Variants in MED26 observed in about 807,000 individuals in gnomAD.
MED26 encodes the protein mediator of RNA polymerase II transcription subunit 26.
MED26 carries 7 observed loss-of-function variants against 43.7 expected under a neutral mutation model. The observed-to-expected ratio is 0.16, with a 90% CI of 0.09 to 0.30. The LOEUF (loss-of-function observed/expected upper bound fraction) is 0.30, where lower values mean the gene tolerates loss of function less well. Among genes scored for constraint, MED26 ranks in the 10% least tolerant of loss-of-function variants. The probability of loss-of-function intolerance (pLI) is 1.00; values close to 1 mark genes in which losing one functional copy is unlikely to be tolerated. For missense variants in MED26, 784 were observed against 840.6 expected, an observed-to-expected ratio of 0.93 and a Z score of 0.83; for synonymous variants, 375 against 371.1, an observed-to-expected ratio of 1.01 and a Z score of -0.12.
At chr19:16,608,302 G>A (rs1018358712) in intron 1 of MED26, among the ~76,000 whole-genome samples, 2 of 152,176 alleles carry the variant, frequency 1.3e-5, no homozygotes, top group African/African-American at 2.4e-5. Flanking sequence ...AACAAAGGAG[G>A]AAGTTTTCAG....
chr19:16,598,268 C>T (rs2086131581), intron 1 of MED26, among the ~76,000 whole-genome samples: 1 of 144,860 alleles, frequency 6.9e-6, no homozygotes, highest in Non-Finnish European at 1.5e-5. Flanking sequence ...ATCCGGGAGG[C>T]GCAGGCTGCA....
chr19:16,594,438 G>A (rs1445091504), intron 1 of MED26, among the ~76,000 whole-genome samples: 1 of 152,252 alleles, frequency 6.6e-6, no homozygotes, highest in Admixed American at 6.5e-5. Context: ...AAGTGGGGAA[G>A]GGGCAGCGAA....
At chr19:16,599,755 C>A (rs2086139802) in intron 1 of MED26, among the ~76,000 whole-genome samples, 1 of 152,030 alleles carries the variant, frequency 6.6e-6, no homozygotes, top group African/African-American at 2.4e-5. Flanking sequence ...GGGGCTGGAA[C>A]TGGGGTTCCT....
intron 1 of MED26, among the ~76,000 whole-genome samples, chr19:16,615,366 C>A (rs775850738): frequency 1.8e-4 from 27 of 152,332 alleles, no homozygotes; most frequent in Non-Finnish European, 8.8e-5. Flanking sequence ...TGATTCTTTA[C>A]TGACTCTCTC....
rs141301693 is a variant in MED26 at position 16,601,753 on chromosome 19, T to C, written c.73-23344A>G. ...GGGCTGGGCACACAGCAGCGCAGCA[T>C]GCGCAGAGTGCCAGACAAGGTGGGG... On this transcript the variant is annotated intron_variant, in intron 1 of 2. Coordinates refer to ENST00000263390, the MANE Select transcript of MED26 (RefSeq NM_004831.5). 5.4e-4 allele frequency among the ~76,000 whole-genome samples: 82 copies of C among 152,340 alleles called. 1 individual carries two copies. The highest frequency in any genetic ancestry group is 1.8e-3 in the African/African-American group (76 of 41,578).
intron 1 of MED26, among the ~76,000 whole-genome samples, chr19:16,614,907 G>A (rs1251900983): frequency 3.9e-5 from 6 of 152,192 alleles, no homozygotes; most frequent in Non-Finnish European, 7.3e-5. Flanking sequence ...CACTAAGCCT[G>A]AATTCTTACC....
intron 1 of MED26, among the ~76,000 whole-genome samples, chr19:16,617,428 C>A (rs1464540072): frequency 6.6e-6 from 1 of 152,184 alleles, no homozygotes; most frequent in Non-Finnish European, 1.5e-5. Context: ...CCAAACCAAG[C>A]CAGAGTGTGT....
chr19:16,584,210 G>T (rs1194041371), intron 1 of MED26, among the ~76,000 whole-genome samples: 1 of 149,664 alleles, frequency 6.7e-6, no homozygotes, highest in Non-Finnish European at 1.5e-5. Context: ...CTGAGATCAC[G>T]CCACTGCACT....
At chr19:16,613,065 GTTTACC>G (rs1238819929) in intron 1 of MED26, among the ~76,000 whole-genome samples, 1 of 152,080 alleles carries the variant, frequency 6.6e-6, no homozygotes, top group Non-Finnish European at 1.5e-5. Context: ...TTCAGGCACT[GTTTACC>G]TTTAGTAGGA....
In MED26 at chr19:16,576,060, G is replaced by A. The variant is rs761211335; in HGVS notation, c.1770C>T (p.Arg590=). 1.6e-5 allele frequency: 26 copies of A among 1,613,534 alleles called. No individual in the cohort carries two copies. The highest frequency in any genetic ancestry group is 2.7e-5 in the African/African-American group (2 of 74,912). The stretch of plus-strand genomic sequence containing the variant: ...AGCAGACATAAGGCAGAATGTTCAA[G>A]CGCCCGTCGTCGCCGTGCGGATCGA... ...ISLDPHGDDG[R]LNILPYVCLD is the part of the protein sequence containing the mutation. The change falls in exon 3 of 3, where the codon CGC becomes CGT. Residue 590 remains arginine (R), a synonymous_variant. Transcript: ENST00000263390. The surrounding 1 kb of genome is among the most constrained non-coding windows in gnomAD (Gnocchi z 6.8).
rs1167981630 is a variant in MED26 at position 16,582,041 on chromosome 19, C to T, written c.73-3632G>A. Among the ~76,000 whole-genome samples the T allele has an allele frequency of 3.9e-5, 6 of 152,372 alleles. No homozygotes were observed. The East Asian group carries it at 5.8e-4, about 15-fold the overall frequency. On this transcript the variant is annotated intron_variant, in intron 1 of 2. Transcript: ENST00000263390. ...GGATCCTCCAGAGAGGAGCGCAGCTCGCTGCTTCCTGGATCCCAGCCCGGT... is the reference window on the plus strand; with the variant it reads ...GGATCCTCCAGAGAGGAGCGCAGCTTGCTGCTTCCTGGATCCCAGCCCGGT...
intron 1 of MED26, among the ~76,000 whole-genome samples, chr19:16,614,176 A>C (rs1162330902): frequency 6.6e-6 from 1 of 152,190 alleles, no homozygotes; most frequent in African/African-American, 2.4e-5. Flanking sequence ...AGGTCACCAA[A>C]GTAGAAGCAG....
intron 1 of MED26, 21 bp downstream of exon 1, chr19:16,627,851 G>T: frequency 6.8e-7 from 1 of 1,472,414 alleles, no homozygotes; most frequent in East Asian, 2.9e-5. Context: ...CTCCGTCCCA[G>T]CTCGCGCGGC....
At chr19:16,600,031 CT>C (rs1410296761) in intron 1 of MED26, among the ~76,000 whole-genome samples, 1 of 152,192 alleles carries the variant, frequency 6.6e-6, no homozygotes, top group African/African-American at 2.4e-5. Flanking sequence ...TGAGGACACA[CT>C]CTCCAAGCAC....
intron 1 of MED26, among the ~76,000 whole-genome samples, chr19:16,608,394 ACTGT>A (rs1302568253): frequency 2.0e-5 from 3 of 152,240 alleles, no homozygotes; most frequent in African/African-American, 7.2e-5. Flanking sequence ...ATTCATGACT[ACTGT>A]ATGGGCATGG....
At chr19:16,602,565 G>C (rs2086154758) in intron 1 of MED26, among the ~76,000 whole-genome samples, 1 of 152,208 alleles carries the variant, frequency 6.6e-6, no homozygotes, top group Non-Finnish European at 1.5e-5. Flanking sequence ...AGCATTATTT[G>C]CCATGGCTAA....
At chr19:16,590,464 C>G (rs2086090694) in intron 1 of MED26, among the ~76,000 whole-genome samples, 1 of 152,202 alleles carries the variant, frequency 6.6e-6, no homozygotes, top group African/African-American at 2.4e-5. Context: ...TCTTCTACTC[C>G]TAGTTTGCTG....
At chr19:16,583,609 G>C (rs1394880282) in intron 1 of MED26, among the ~76,000 whole-genome samples, 2 of 152,154 alleles carry the variant, frequency 1.3e-5, no homozygotes, top group Non-Finnish European at 2.9e-5. Flanking sequence ...ACCTCCCTGG[G>C]GTGCCTGCTC....
chr19:16,585,001 C>A (rs185326876), intron 1 of MED26, among the ~76,000 whole-genome samples: 2 of 152,122 alleles, frequency 1.3e-5, no homozygotes, highest in African/African-American at 4.8e-5. Flanking sequence ...CAGCAAGGGC[C>A]GAGGGCTGGG....
Sources: allele counts gnomAD v4.1 joint callset (sites outside exome capture counted in the v4.1 genomes callset), GRCh38; gene constraint gnomAD v4.1.1; non-coding constraint Gnocchi (gnomAD v3.1); transcripts MANE v1.5; gene names NCBI Gene and HGNC (gene_info 2026-07-23, HGNC 2026-07-21).